Variants in ZBTB40 observed in about 807,000 individuals in gnomAD.
ZBTB40 encodes zinc finger and BTB domain containing 40.
ZBTB40 carries 60 observed loss-of-function variants against 117.5 expected under a neutral mutation model. The observed-to-expected ratio is 0.51, with a 90% CI of 0.41 to 0.63. ZBTB40 has a LOEUF of 0.63. Ranked by LOEUF, ZBTB40 falls within the 30% of genes least tolerant of loss-of-function variation. ZBTB40 has a pLI of 0.00. For missense variants in ZBTB40, 1,287 were observed against 1,498.5 expected (o/e 0.86, Z 2.33); for synonymous variants, 525 against 577.1 (o/e 0.91, Z 1.29).
At chr1:22,434,984 C>T (rs780521386) in intron 1 of ZBTB40, among the ~76,000 whole-genome samples, 12 of 150,862 alleles carry the variant, frequency 8.0e-5, no homozygotes, top group South Asian at 2.1e-4. Context: ...TATGTGTTTC[C>T]GTTTGCTCGA....
At chr1:22,503,780 A>G (rs1202695855) in intron 5 of ZBTB40, among the ~76,000 whole-genome samples, 1 of 152,262 alleles carries the variant, frequency 6.6e-6, no homozygotes, top group East Asian at 1.9e-4. Flanking sequence ...GTGTAATTTC[A>G]GGCACTCAAT....
intron 3 of ZBTB40, among the ~76,000 whole-genome samples, chr1:22,492,603 C>T (rs1638663450): frequency 6.6e-6 from 1 of 152,158 alleles, no homozygotes; most frequent in Non-Finnish European, 1.5e-5. Context: ...TTGTATTAGT[C>T]CAAGTAATAC....
chr1:22,435,105 A>G, intron 1 of ZBTB40, among the ~76,000 whole-genome samples: 1 of 150,372 alleles, frequency 6.7e-6, no homozygotes, highest in East Asian at 1.9e-4. Context: ...GGCTCAACTG[A>G]TCCTCCCACT....
chr1:22,518,846 G>T (rs1205605334), intron 13 of ZBTB40, among the ~76,000 whole-genome samples: 1 of 152,190 alleles, frequency 6.6e-6, no homozygotes, highest in East Asian at 1.9e-4. Context: ...CCTCTTTAAT[G>T]ACATTCTGCT....
chr1:22,498,966 A>G (rs1362190502), intron 3 of ZBTB40, among the ~76,000 whole-genome samples: 1 of 152,214 alleles, frequency 6.6e-6, no homozygotes, highest in Non-Finnish European at 1.5e-5. Flanking sequence ...AAATTGCTCT[A>G]AAATCTAGCA....
chr1:22,439,425 T>A (rs965086882), intron 1 of ZBTB40, among the ~76,000 whole-genome samples: 6 of 152,260 alleles, frequency 3.9e-5, no homozygotes. Flanking sequence ...CAAATCAATG[T>A]TGCAAAGCTT....
chr1:22,477,333 T>TA (rs1641574292), intron 1 of ZBTB40, among the ~76,000 whole-genome samples: 2 of 152,142 alleles, frequency 1.3e-5, no homozygotes, highest in African/African-American at 4.8e-5. Flanking sequence ...AACAATATGC[T>TA]AGGCACTGTT....
At chr1:22,435,197 C>T (rs1180561487) in intron 1 of ZBTB40, among the ~76,000 whole-genome samples, 1 of 152,026 alleles carries the variant, frequency 6.6e-6, no homozygotes, top group Non-Finnish European at 1.5e-5. Context: ...GATTGGGTCT[C>T]ACTATGTTGC....
At chr1:22,512,237 G>C in intron 11 of ZBTB40, 103 bp downstream of exon 11, 1 of 1,324,648 alleles carries the variant, frequency 7.5e-7, no homozygotes, top group Non-Finnish European at 1.1e-6. Context: ...CTGTGGGTGG[G>C]CTTAGAAAAT....
intron 1 of ZBTB40, among the ~76,000 whole-genome samples, chr1:22,479,901 T>G (rs992023996): frequency 2.6e-5 from 4 of 152,216 alleles, no homozygotes; most frequent in African/African-American, 9.7e-5. Flanking sequence ...TTTGTAGTCC[T>G]GTAAGTTCTT....
rs772528611 is a variant in ZBTB40 at position 22,509,237 on chromosome 1, T to C, written c.1833+4T>C. On this transcript the variant is annotated splice_donor_region_variant and intron_variant, in intron 9 of 17. Coordinates refer to ENST00000375647, the MANE Select transcript of ZBTB40 (RefSeq NM_014870.4). ...CCTGGCAGAGACTGTGAAAGAGGTG[T>C]GGTGGGAATAAAAAGCGAAATGCCA... 3.7e-6 allele frequency: 6 copies of C among 1,614,136 alleles called. No homozygotes were observed. Among genetic ancestry groups the C allele is most frequent in the South Asian group, 2.2e-5 (2 of 91,084 alleles).
upstream of ZBTB40, among the ~76,000 whole-genome samples, chr1:22,449,076 A>C (rs929358565): frequency 6.6e-6 from 1 of 152,000 alleles, no homozygotes; most frequent in Non-Finnish European, 1.5e-5. Flanking sequence ...GGCCTCCCAA[A>C]GTGCTGGGAT....
chr1:22,526,195 C>G lies in ZBTB40; in HGVS notation c.3526-7C>G. The G allele has an allele frequency of 6.2e-7, 1 of 1,614,186 alleles. No individual in the cohort carries two copies. Among genetic ancestry groups the G allele is most frequent in the Non-Finnish European group, 8.5e-7 (1 of 1,180,024 alleles). On this transcript the variant is annotated splice_polypyrimidine_tract_variant and splice_region_variant and intron_variant, in intron 17 of 17. Coordinates refer to ENST00000375647, the MANE Select transcript of ZBTB40 (RefSeq NM_014870.4). The stretch of plus-strand genomic sequence containing the variant: ...CCCAGAGCAGCCTCACGGTCTTTCT[C>G]TTTCAGGTGATCCAAACCCCAGAGC...
intron 1 of ZBTB40, among the ~76,000 whole-genome samples, chr1:22,476,116 T>G (rs1390631593): frequency 1.3e-5 from 2 of 152,256 alleles, no homozygotes; most frequent in East Asian, 3.8e-4. Context: ...AGTATTATTT[T>G]CCTCCCTATT....
chr1:22,480,734 T>C (rs1313344470), intron 1 of ZBTB40, among the ~76,000 whole-genome samples: 1 of 152,232 alleles, frequency 6.6e-6, no homozygotes, highest in Non-Finnish European at 1.5e-5. Flanking sequence ...GTTAATTTCT[T>C]GACTTGAGAT....
At chr1:22,468,682 A>G (rs1249232959) in intron 1 of ZBTB40, among the ~76,000 whole-genome samples, 59 of 87,402 alleles carry the variant, frequency 6.8e-4, no homozygotes, top group East Asian at 7.6e-4. Context: ...TAGTTTTTGT[A>G]GAAATGGGGT....
At chr1:22,488,013 G>T (rs1435996254) in intron 1 of ZBTB40, among the ~76,000 whole-genome samples, 1 of 152,112 alleles carries the variant, frequency 6.6e-6, no homozygotes. Flanking sequence ...AGGCGTCCCT[G>T]CCAGGATTGC....
chr1:22,511,045 G>A (rs1639216836), intron 9 of ZBTB40, 134 bp from the exon 10 acceptor site: 1 of 1,117,368 alleles, frequency 8.9e-7, no homozygotes, highest in East Asian at 2.4e-5. Context: ...TTATCACAAG[G>A]CGATGTATAA....
At chr1:22,482,092 C>A (rs1638337012) in intron 1 of ZBTB40, among the ~76,000 whole-genome samples, 1 of 151,932 alleles carries the variant, frequency 6.6e-6, no homozygotes, top group South Asian at 2.1e-4. Context: ...TAGGACTGTT[C>A]TTCATTTGTT....
Sources: gnomAD v4.1 joint callset for allele counts (sites outside exome capture counted in the v4.1 genomes callset) on GRCh38, gnomAD v4.1.1 for gene constraint, MANE v1.5 for transcripts, NCBI Gene and HGNC (gene_info 2026-07-23, HGNC 2026-07-21) for gene names.